PHF10: variants seen among roughly 807,000 people sequenced by gnomAD.
The protein encoded by PHF10 is PHD finger protein 10.
Under a neutral mutation model 68.5 loss-of-function variants are expected in PHF10, and 51 were observed. The ratio of observed to expected loss-of-function variants is 0.74; its 90% confidence interval spans 0.59 to 0.94. The LOEUF is 0.94. Among genes scored for constraint, PHF10 ranks in the 40% least tolerant of loss-of-function variants. The probability of loss-of-function intolerance (pLI) is 0.00; values close to 1 mark genes in which losing one functional copy is unlikely to be tolerated. For synonymous variants in PHF10, 204 were observed against 203.5 expected (o/e 1.00, Z -0.02); for missense variants, 460 against 602.6 (o/e 0.76, Z 2.48).
intron 3 of PHF10, 69 bp from the exon 4 acceptor site, chr6:169,717,975 C>A (rs1789090628): frequency 4.7e-6 from 3 of 643,046 alleles, no homozygotes; most frequent in Non-Finnish European, 8.0e-6. Context: ...CTTTTAAAAG[C>A]TTAAAAACCT....
intron 11 of PHF10, 66 bp downstream of exon 11, chr6:169,705,067 G>C (rs1788731397): frequency 8.1e-7 from 1 of 1,232,210 alleles, no homozygotes; most frequent in South Asian, 1.6e-5. Flanking sequence ...CGTTTATGCA[G>C]CCTTTTGGAG....
At chr6:169,718,731 AGT>A (rs1275010571) in intron 3 of PHF10, 55 bp downstream of exon 3, 10 of 984,658 alleles carry the variant, frequency 1.0e-5, no homozygotes, top group Admixed American at 2.2e-5. Flanking sequence ...AGAAGTTGAC[AGT>A]GTATCATAAA....
rs1178650281 is a variant in PHF10, at chr6:169,724,332, G to A, written c.-401C>T. Among the ~76,000 whole-genome samples the A allele has an allele frequency of 2.3e-5, 3 of 132,374 alleles. No homozygotes were observed. The highest frequency in any genetic ancestry group is 4.9e-5 in the Non-Finnish European group (3 of 61,598). 86.8% of individuals were successfully genotyped at this position (132,374 alleles called of 152,430 possible). On this transcript the variant is annotated 5_prime_UTR_variant, in exon 1 of 12. Transcript: ENST00000339209. ...CGCCGCCGCGACTCCCTTCAGCCCC[G>A]CCACTCGCTCGCCTCAGCCCCGCCG...
At chr6:169,710,417 G>T in intron 8 of PHF10, 26 bp from the exon 9 acceptor site, 1 of 1,576,074 alleles carries the variant, frequency 6.3e-7, no homozygotes. Flanking sequence ...CAAAAACAAA[G>T]ATTCTTTGGA....
At chr6:169,717,396 A>G (rs1475565902) in intron 4 of PHF10, among the ~76,000 whole-genome samples, 2 of 152,240 alleles carry the variant, frequency 1.3e-5, no homozygotes, top group Non-Finnish European at 2.9e-5. Context: ...CCTACCAAAC[A>G]TCTTTGCTTA....
chr6:169,714,866 C>A (rs1346852314), intron 6 of PHF10, 24 bp from the exon 7 acceptor site: 1 of 1,100,378 alleles, frequency 9.1e-7, no homozygotes, highest in Admixed American at 1.7e-5. Context: ...AAGAGAAACA[C>A]AAAACTGATT....
chr6:169,721,147 G>T, intron 1 of PHF10, 36 bp from the exon 2 acceptor site: 1 of 1,169,210 alleles, frequency 8.6e-7, no homozygotes, highest in Non-Finnish European at 1.2e-6. Flanking sequence ...AATAATTAGA[G>T]AAAGAATAAA....
intron 4 of PHF10, 155 bp downstream of exon 4, chr6:169,717,668 T>C (rs1346704178): frequency 1.8e-6 from 1 of 545,676 alleles, no homozygotes; most frequent in Non-Finnish European, 3.3e-6. Context: ...CCTGTGTATT[T>C]TAACAATAAT....
Position 169,719,635 on chromosome 6 carries a change from C to A in PHF10, c.195-717G>T, listed in dbSNP as rs1355257427. On this transcript the variant is annotated intron_variant, in intron 2 of 11. Coordinates refer to ENST00000339209, the MANE Select transcript of PHF10 (RefSeq NM_018288.4). ...AAAATGGTGCTGGGAAACTGGGTAT[C>A]CACATGCAAAAGTATAAAATTGGAC... Among the ~76,000 whole-genome samples the A allele has an allele frequency of 5.3e-5, 8 of 152,188 alleles. No individual in the cohort carries two copies. The South Asian group carries it at 1.7e-3, about 32-fold the overall frequency.
chr6:169,712,455 G>C lies in PHF10; in HGVS notation c.888C>G (p.Asp296Glu). Residue 296 changes from aspartate (D) to glutamate (E), a missense_variant, in exon 8 of 12, where the codon GAC (aspartate) becomes GAG (glutamate). Physicochemically the swap from Asp to Glu is conservative, Grantham distance 45. Transcript: ENST00000339209. ...CGCCATCATCTGAATCACCATCACT[G>C]TCTAGAGCAGGGAGCTCAGGATCCA... is the stretch of plus-strand genomic sequence containing the variant. The part of the protein sequence containing the change: ...PPLDPELPAL[D>E]SDGDSDDGED... 6.2e-7 allele frequency: 1 copy of C among 1,613,872 alleles called. No homozygotes were observed. The highest frequency in any genetic ancestry group is 8.5e-7 in the Non-Finnish European group (1 of 1,179,770).
chr6:169,712,919 AATAAT>A (rs1788958404), intron 7 of PHF10, among the ~76,000 whole-genome samples: 1 of 152,212 alleles, frequency 6.6e-6, no homozygotes. Context: ...AAACAGACCT[AATAAT>A]AGCATCTACC....
intron 5 of PHF10, 21 bp downstream of exon 5, chr6:169,715,934 C>A: frequency 6.3e-7 from 1 of 1,596,698 alleles, no homozygotes. Flanking sequence ...ATAAAAAATG[C>A]CAGTCACCTC....
At chr6:169,718,529 G>A (rs867750635) in intron 3 of PHF10, among the ~76,000 whole-genome samples, 3 of 152,108 alleles carry the variant, frequency 2.0e-5, no homozygotes, top group Non-Finnish European at 2.9e-5. Context: ...AATCTGCCAC[G>A]CGTCGTGGTG....
rs1293362711 is a variant in PHF10 at position 169,724,405 on chromosome 6, AG to A, written c.-475del. ...CCGCCTCAGCCCCGCCGCTCGCCTC[AG>A]CCCCGCCGCTCGCCTCAGCCCCGCC... On this transcript the variant is annotated 5_prime_UTR_variant, in exon 1 of 12. Transcript: ENST00000339209. Among the ~76,000 whole-genome samples the A allele has an allele frequency of 2.3e-4, 12 of 51,874 alleles. No homozygotes were observed. Among genetic ancestry groups the A allele is most frequent in the African/African-American group, 9.6e-4 (12 of 12,456 alleles). The allele number at this position is 51,874 out of a possible 152,430, so 34.0% of individuals were successfully genotyped here. A position where few individuals can be genotyped will look rare whatever the true frequency, so the allele number is the denominator to read the frequency against.
At chr6:169,723,568 G>A (rs1042627935) in intron 1 of PHF10, among the ~76,000 whole-genome samples, 1 of 152,186 alleles carries the variant, frequency 6.6e-6, no homozygotes, top group African/African-American at 2.4e-5. Context: ...GCTGGCCTAG[G>A]AGGAGGCGTT....
intron 6 of PHF10, 76 bp downstream of exon 6, chr6:169,715,632 T>A: frequency 8.3e-7 from 1 of 1,207,338 alleles, no homozygotes; most frequent in Non-Finnish European, 1.2e-6. Flanking sequence ...AAAATAACGA[T>A]AAAGGGGGTG....
intron 3 of PHF10, 40 bp downstream of exon 3, chr6:169,718,748 T>G (rs200718053): frequency 2.7e-4 from 303 of 1,116,494 alleles, no homozygotes; most frequent in Non-Finnish European, 3.7e-4. Context: ...CATAAAGAAT[T>G]ACTATCAATT....
Position 169,705,355 on chromosome 6 carries a change from TAAG to T in PHF10, c.1223-37_1223-35del, listed in dbSNP as rs774641133. On this transcript the variant is annotated intron_variant, in intron 10 of 11. Transcript: ENST00000339209. ...AAACCAGTATTAGTGGTATCTCACA[TAAG>T]AAATTTTAACTTAATATGGCACATA... 1.5e-5 allele frequency: 22 copies of T among 1,444,576 alleles called. No homozygotes were observed. In the South Asian group the frequency reaches 2.7e-4, roughly 17 times the overall value. The allele number at this position is 1,444,576 out of a possible 1,614,324, so 89.5% of individuals were successfully genotyped here.
At chr6:169,718,036 T>C (rs1223816187) in intron 3 of PHF10, 130 bp from the exon 4 acceptor site, 1 of 465,850 alleles carries the variant, frequency 2.1e-6, no homozygotes, top group East Asian at 3.3e-5. Context: ...TTAAAGGGGC[T>C]ACAAAAAAAT....
Sources: allele counts gnomAD v4.1 joint callset (sites outside exome capture counted in the v4.1 genomes callset), GRCh38; gene constraint gnomAD v4.1.1; transcripts MANE v1.5; gene names NCBI Gene and HGNC (gene_info 2026-07-23, HGNC 2026-07-21).